MDP1: variants seen among roughly 807,000 people sequenced by gnomAD.
The protein encoded by MDP1 is magnesium-dependent phosphatase 1.
A neutral mutation model predicts 21.6 loss-of-function variants in MDP1; 18 were observed. The ratio of observed to expected loss-of-function variants is 0.83; its 90% CI spans 0.58 to 1.24. MDP1 has a LOEUF of 1.24. Ranked by LOEUF, MDP1 falls within the 50% of genes most tolerant of loss-of-function variation. The pLI is 0.00. For missense variants in MDP1, 207 were observed against 218.6 expected, an observed-to-expected ratio of 0.95 and a Z score of 0.33; for synonymous variants, 101 against 83.2, an observed-to-expected ratio of 1.21 and a Z score of -1.16.
intron 3 of MDP1, 52 bp from the exon 4 acceptor site, chr14:24,214,651 GTTAAC>G (rs2039646670): frequency 6.3e-7 from 1 of 1,593,152 alleles, no homozygotes; most frequent in Non-Finnish European, 8.6e-7. Context: ...CCAGGGCTAC[GTTAAC>G]TTATTAAGCA....
In MDP1 at chr14:24,213,976, AAT is replaced by A; in HGVS notation, c.*46_*47del. The stretch of plus-strand genomic sequence containing the variant: ...CTTCTGTCACACACAGATGAACTTT[AAT>A]AAATTACAAATGCACCTGAAAATGC... On this transcript the variant is annotated 3_prime_UTR_variant, in exon 6 of 6. Transcript: ENST00000288087. 6.5e-7 allele frequency: 1 copy of A among 1,536,408 alleles called. No individual in the cohort carries two copies. The highest frequency in any genetic ancestry group is 8.7e-7 in the Non-Finnish European group (1 of 1,144,168).
In MDP1 at chr14:24,216,019, A is replaced by T; in HGVS notation, c.-64T>A. The T allele has an allele frequency of 6.2e-7, 1 of 1,607,736 alleles. No individual in the cohort carries two copies. Among genetic ancestry groups the T allele is most frequent in the Non-Finnish European group, 8.5e-7 (1 of 1,176,862 alleles). Reference sequence around the variant, plus strand: ...TCACCCGGGGCCTTAGAGAGTGCGGAACCTCCGGCAGCTAAGGCAGCCACC... The same window carrying T: ...TCACCCGGGGCCTTAGAGAGTGCGGTACCTCCGGCAGCTAAGGCAGCCACC... On this transcript the variant is annotated 5_prime_UTR_variant, in exon 1 of 6. Coordinates refer to ENST00000288087, the MANE Select transcript of MDP1 (RefSeq NM_138476.4).
Position 24,215,592 on chromosome 14 carries a change from GT to G in MDP1, c.168del (p.Lys56AsnfsTer19), listed in dbSNP as rs778516233. 40 of 1,614,042 alleles carry G rather than the reference GT, an allele frequency of 2.5e-5. No individual in the cohort carries two copies. The highest frequency in any genetic ancestry group is 3.2e-5 in the Non-Finnish European group (38 of 1,180,048). On this transcript the variant is annotated frameshift_variant, in exon 3 of 6. Transcript: ENST00000288087. LOFTEE classifies it high-confidence loss of function. ...RLYPEVPEVL[K>X]RLQSLGVPGA... Reference sequence around the variant, plus strand: ...CCGGGCACCCCAAGGCTCTGCAATCGTTTTAGGACCTCAGGCACCTCTGGGT... The same window carrying G: ...CCGGGCACCCCAAGGCTCTGCAATCGTTTAGGACCTCAGGCACCTCTGGGT...
In MDP1 at chr14:24,214,486, G is replaced by A. The variant is rs751028623; in HGVS notation, c.317+6C>T. On this transcript the variant is annotated splice_donor_region_variant and intron_variant, in intron 4 of 5. Coordinates refer to ENST00000288087, the MANE Select transcript of MDP1 (RefSeq NM_138476.4). ...CTCACCCTGCTCCTCCCTTATCTCC[G>A]CATACCTCTCAAAGTGTGTGATCTT... 11 of 1,613,886 alleles carry A rather than the reference G, an allele frequency of 6.8e-6. No homozygotes were observed. Among genetic ancestry groups the A allele is most frequent in the African/African-American group, 5.3e-5 (4 of 74,848 alleles).
rs2039681896 is a variant in MDP1, at chr14:24,215,777, A to G, written c.58T>C (p.Trp20Arg). The G allele has an allele frequency of 6.2e-7, 1 of 1,614,228 alleles. No individual in the cohort carries two copies. The highest frequency in any genetic ancestry group is 1.7e-5 in the Admixed American group (1 of 60,028). The change falls in exon 2 of 6, where the codon TGG (tryptophan) becomes CGG (arginine). Residue 20 changes from tryptophan (W) to arginine (R), a missense_variant. Physicochemically the swap from Trp to Arg is moderately radical, Grantham distance 101. Coordinates refer to ENST00000288087, the MANE Select transcript of MDP1 (RefSeq NM_138476.4). The part of the protein sequence containing the change: ...FDLDYTLWPF[W>R]VDTHVDPPFH... ...GGAGGGTCTACGTGCGTGTCGACCC[A>G]GAAAGGCCAGAGAGTGTAATCTGCG... is the stretch of plus-strand genomic sequence containing the variant.
Position 24,214,065 on chromosome 14 carries a change from G to T in MDP1, c.490C>A (p.Pro164Thr). The T allele has an allele frequency of 6.2e-7, 1 of 1,611,434 alleles. No homozygotes were observed. ...CTCTCCTCAAGGCTGGACCTCAAAG[G>T]CCCAGTTTGGGCCTTCGCAAATGTC... ...LETFAKAQTGPLRSSLEESPF... is the reference protein window; with the variant it reads ...LETFAKAQTGTLRSSLEESPF... Residue 164 changes from proline to threonine, a missense_variant, in exon 6 of 6, where the codon CCT becomes ACT. Pro to Thr is a conservative substitution (Grantham distance 38). Transcript: ENST00000288087.
In MDP1 at chr14:24,214,039, G is replaced by A. The variant is rs766355178; in HGVS notation, c.516C>T (p.Ser172=). 1 of 1,582,088 alleles carries A rather than the reference G, an allele frequency of 6.3e-7. No homozygotes were observed. The highest frequency in any genetic ancestry group is 8.6e-7 in the Non-Finnish European group (1 of 1,168,628). Residue 172 remains serine, a synonymous_variant, in exon 6 of 6, where the codon AGC becomes AGT. Coordinates refer to ENST00000288087, the MANE Select transcript of MDP1 (RefSeq NM_138476.4). Reference sequence around the variant, plus strand: ...TCCTTTCAGTTTAGGCCTCAAATGGGCTCTCCTCAAGGCTGGACCTCAAAG... The same window carrying A: ...TCCTTTCAGTTTAGGCCTCAAATGGACTCTCCTCAAGGCTGGACCTCAAAG... The part of the protein sequence containing the change: ...TGPLRSSLEE[S]PFEA
At chr14:24,215,709 C>A (rs775066431) in intron 2 of MDP1, 28 bp downstream of exon 2, 5 of 1,614,076 alleles carry the variant, frequency 3.1e-6, no homozygotes, top group Non-Finnish European at 3.4e-6. Flanking sequence ...TCCTATCTCG[C>A]CCCCAGTCTT....
rs755163433 is a variant in MDP1, at chr14:24,215,673, C to T, written c.99-11G>A. 4 of 1,614,058 alleles carry T rather than the reference C, an allele frequency of 2.5e-6. No individual in the cohort carries two copies. In the African/African-American group the frequency reaches 5.3e-5, roughly 22 times the overall value. ...CGTACAGTTCCATCACTGGAGAGGG[C>T]AAGAGTGCGCTCAGCCCTGGCTGGG... On this transcript the variant is annotated splice_polypyrimidine_tract_variant and intron_variant, in intron 2 of 5. Coordinates refer to ENST00000288087, the MANE Select transcript of MDP1 (RefSeq NM_138476.4).
chr14:24,215,517 G>A (rs769802310), intron 3 of MDP1, 35 bp downstream of exon 3: 4 of 1,608,622 alleles, frequency 2.5e-6, no homozygotes, highest in Non-Finnish European at 2.6e-6. Flanking sequence ...GCACCCTTCA[G>A]CATTACACTG....
chr14:24,214,693 C>G, intron 3 of MDP1, 94 bp from the exon 4 acceptor site: 3 of 1,409,508 alleles, frequency 2.1e-6, no homozygotes, highest in Non-Finnish European at 2.9e-6. Flanking sequence ...CCAGGGAAAT[C>G]AACTTGCTGT....
rs536585978 is a variant in MDP1, at chr14:24,214,485, C to T, written c.317+7G>A. On this transcript the variant is annotated splice_region_variant and intron_variant, in intron 4 of 5. Coordinates refer to ENST00000288087, the MANE Select transcript of MDP1 (RefSeq NM_138476.4). ...TCTCACCCTGCTCCTCCCTTATCTC[C>T]GCATACCTCTCAAAGTGTGTGATCT... 15 of 1,614,176 alleles carry T rather than the reference C, an allele frequency of 9.3e-6. No individual in the cohort carries two copies. Among genetic ancestry groups the T allele is most frequent in the East Asian group, 4.5e-5 (2 of 44,888 alleles).
Position 24,214,056 on chromosome 14 carries a change from A to C in MDP1, c.499T>G (p.Ser167Ala), listed in dbSNP as rs781010478. The change falls in exon 6 of 6, where the codon TCC becomes GCC. Residue 167 changes from serine (S) to alanine (A), a missense_variant. Ser to Ala is a moderately conservative substitution (Grantham distance 99). Transcript: ENST00000288087. ...TCAAATGGGCTCTCCTCAAGGCTGG[A>C]CCTCAAAGGCCCAGTTTGGGCCTTC... ...FAKAQTGPLRSSLEESPFEA is the reference protein window; with the variant it reads ...FAKAQTGPLRASLEESPFEA 1 of 1,599,966 alleles carries C rather than the reference A, an allele frequency of 6.3e-7. No homozygotes were observed. The highest frequency in any genetic ancestry group is 8.5e-7 in the Non-Finnish European group (1 of 1,177,742).
rs903372800 is a variant in MDP1 at position 24,216,021 on chromosome 14, C to G, written c.-66G>C. ...ACCCGGGGCCTTAGAGAGTGCGGAA[C>G]CTCCGGCAGCTAAGGCAGCCACCCT... On this transcript the variant is annotated 5_prime_UTR_variant, in exon 1 of 6. Coordinates refer to ENST00000288087, the MANE Select transcript of MDP1 (RefSeq NM_138476.4). 2 of 1,606,244 alleles carry G rather than the reference C, an allele frequency of 1.2e-6. No homozygotes were observed. Among genetic ancestry groups the G allele is most frequent in the African/African-American group, 2.7e-5 (2 of 74,902 alleles).
At position 24,214,538 on chromosome 14, in the gene MDP1, C is replaced by G; in HGVS notation, c.271G>C (p.Val91Leu). 1 of 1,614,184 alleles carries G rather than the reference C, an allele frequency of 6.2e-7. No homozygotes were observed. The highest frequency in any genetic ancestry group is 1.1e-5 in the South Asian group (1 of 91,086). ...CTGCCTGGATAGATTTCCCGATGAACAAAGTACCTGAAGAGGTCAAAGAGC... is the reference window on the plus strand; with the variant it reads ...CTGCCTGGATAGATTTCCCGATGAAGAAAGTACCTGAAGAGGTCAAAGAGC... ...LELFDLFRYF[V>L]HREIYPGSKI... Residue 91 changes from valine to leucine, a missense_variant, in exon 4 of 6, where the codon GTT becomes CTT. Val to Leu is a conservative substitution (Grantham distance 32). Transcript: ENST00000288087.
chr14:24,214,179 T>C, intron 5 of MDP1, 28 bp from the exon 6 acceptor site: 1 of 1,607,484 alleles, frequency 6.2e-7, no homozygotes, highest in Non-Finnish European at 8.5e-7. Context: ...CACATTTCAT[T>C]AAGCTTTCAG....
Position 24,214,481 on chromosome 14 carries a change from T to A in MDP1, c.317+11A>T, listed in dbSNP as rs2039641146. On this transcript the variant is annotated intron_variant, in intron 4 of 5. Transcript: ENST00000288087. ...ACTTTCTCACCCTGCTCCTCCCTTA[T>A]CTCCGCATACCTCTCAAAGTGTGTG... The A allele has an allele frequency of 6.2e-7, 1 of 1,614,040 alleles. No individual in the cohort carries two copies. Among genetic ancestry groups the A allele is most frequent in the African/African-American group, 1.3e-5 (1 of 74,914 alleles).
rs765676760 is a variant in MDP1 at position 24,215,649 on chromosome 14, G to C, written c.112C>G (p.Arg38Gly). The C allele has an allele frequency of 1.9e-6, 3 of 1,614,128 alleles. No homozygotes were observed. Among genetic ancestry groups the C allele is most frequent in the Admixed American group, 3.3e-5 (2 of 60,018 alleles). Residue 38 changes from arginine (R) to glycine (G), a missense_variant, in exon 3 of 6, where the codon CGA (arginine) becomes GGA (glycine). Arg to Gly is a moderately radical substitution (Grantham distance 125). Coordinates refer to ENST00000288087, the MANE Select transcript of MDP1 (RefSeq NM_138476.4). ...PFHKSSDGTV[R>G]DRRGQDVRLY... ...CGGACGTCTTGGCCCCGCCTATCTC[G>C]TACAGTTCCATCACTGGAGAGGGCA...
intron 3 of MDP1, 146 bp downstream of exon 3, chr14:24,215,406 T>A: frequency 1.0e-6 from 1 of 976,910 alleles, no homozygotes; most frequent in Middle Eastern, 2.5e-4. Flanking sequence ...TTTTAATAGT[T>A]AAAAGGCACA....
Sources: allele counts gnomAD v4.1 joint callset, GRCh38; gene constraint gnomAD v4.1.1; transcripts MANE v1.5; gene names NCBI Gene and HGNC (gene_info 2026-07-23, HGNC 2026-07-21).